MAP4K4: variants seen among roughly 807,000 people sequenced by gnomAD.
MAP4K4 encodes HPK/GCK-like kinase HGK.
In MAP4K4, 38 loss-of-function variants were observed where a neutral mutation model predicts 189.6. The ratio of observed to expected loss-of-function variants is 0.20; its 90% CI spans 0.15 to 0.26. The LOEUF is 0.26. MAP4K4 is among the 10% of genes least tolerant of loss of function. The pLI, the probability that MAP4K4 is intolerant of heterozygous loss-of-function variation, is 1.00. For missense variants in MAP4K4, 1,054 were observed against 1,726.9 expected, an observed-to-expected ratio of 0.61 and a Z score of 6.91; for synonymous variants, 610 against 624.3, an observed-to-expected ratio of 0.98 and a Z score of 0.34.
intron 10 of MAP4K4, among the ~76,000 whole-genome samples, chr2:101,840,822 G>A (rs1484055881): frequency 6.6e-6 from 1 of 152,138 alleles, no homozygotes; most frequent in Non-Finnish European, 1.5e-5. Context: ...AAGTCTGGAG[G>A]CCTTTCTGCC....
At chr2:101,701,700 A>G (rs2038888527) in intron 2 of MAP4K4, among the ~76,000 whole-genome samples, 1 of 152,168 alleles carries the variant, frequency 6.6e-6, no homozygotes, top group Non-Finnish European at 1.5e-5. Flanking sequence ...GGTTTTTGAG[A>G]GACGGATACT....
chr2:101,762,671 T>G (rs1363219365), intron 2 of MAP4K4, among the ~76,000 whole-genome samples: 1 of 152,086 alleles, frequency 6.6e-6, no homozygotes, highest in Non-Finnish European at 1.5e-5. Flanking sequence ...ATTTCCTCAT[T>G]CTAAATTGCT....
At chr2:101,807,534 T>C (rs79144044) in intron 3 of MAP4K4, among the ~76,000 whole-genome samples, 2,995 of 152,308 alleles carry the variant, frequency 0.02, 117 homozygotes, top group African/African-American at 0.068. Context: ...GATGGTAACC[T>C]ACATGACCAA....
chr2:101,799,601 A>C (rs1425835718), intron 3 of MAP4K4, among the ~76,000 whole-genome samples: 1 of 141,520 alleles, frequency 7.1e-6, no homozygotes. Flanking sequence ...TTTTTGTTTC[A>C]TTTTTGATTT....
intron 3 of MAP4K4, chr2:101,797,274 C>A: frequency 7.7e-7 from 1 of 1,290,736 alleles, no homozygotes; most frequent in Non-Finnish European, 1.0e-6. Flanking sequence ...ATGCTACAGG[C>A]CTTACAGCTT....
chr2:101,836,835 G>A (rs1354266836), intron 9 of MAP4K4, among the ~76,000 whole-genome samples: 1 of 152,146 alleles, frequency 6.6e-6, no homozygotes, highest in Non-Finnish European at 1.5e-5. Flanking sequence ...CAGAGAGAGA[G>A]GAGGATGACT....
At chr2:101,860,009 T>G in intron 15 of MAP4K4, 145 bp downstream of exon 15, 1 of 871,950 alleles carries the variant, frequency 1.1e-6, no homozygotes, top group South Asian at 1.6e-5. Context: ...AAATTGAATT[T>G]CAGAGGAGTG....
intron 2 of MAP4K4, among the ~76,000 whole-genome samples, chr2:101,716,015 C>G (rs961981891): frequency 6.6e-6 from 1 of 152,196 alleles, no homozygotes. Flanking sequence ...GATGATCTGT[C>G]ACTGTCTCCC....
intron 22 of MAP4K4, chr2:101,870,044 G>T: frequency 1.6e-6 from 1 of 630,646 alleles, no homozygotes; most frequent in Non-Finnish European, 2.7e-6. Context: ...ATATGATCCA[G>T]GGGAAATTTC....
chr2:101,856,493 A>T (rs949252047), intron 13 of MAP4K4, among the ~76,000 whole-genome samples: 5 of 152,234 alleles, frequency 3.3e-5, no homozygotes, highest in African/African-American at 1.2e-4. Flanking sequence ...CTTTTAAAAA[A>T]AAAATGAAAT....
chr2:101,722,834 T>G (rs568411767), intron 2 of MAP4K4, among the ~76,000 whole-genome samples: 34 of 152,370 alleles, frequency 2.2e-4, no homozygotes, highest in African/African-American at 7.7e-4. Context: ...TCACTCATAG[T>G]TGAGTTGAAC....
intron 2 of MAP4K4, among the ~76,000 whole-genome samples, chr2:101,763,214 CAAG>C (rs1160513497): frequency 5.3e-5 from 8 of 152,274 alleles, no homozygotes; most frequent in African/African-American, 1.4e-4. Flanking sequence ...CTGAGAGACA[CAAG>C]AAGGAGAAGT....
chr2:101,796,302 A>G (rs1240869307), intron 3 of MAP4K4, among the ~76,000 whole-genome samples: 1 of 152,178 alleles, frequency 6.6e-6, no homozygotes, highest in Non-Finnish European at 1.5e-5. Context: ...TCCATCCCAG[A>G]TTACTGCATC....
intron 2 of MAP4K4, among the ~76,000 whole-genome samples, chr2:101,766,248 G>T (rs2078578102): frequency 6.6e-6 from 1 of 152,202 alleles, no homozygotes. Context: ...GAACTGGTCT[G>T]ATTTTTCCTC....
Position 101,844,330 on chromosome 2 carries a change from C to T in MAP4K4, c.1233+19C>T. 2 of 1,549,626 alleles carry T rather than the reference C, an allele frequency of 1.3e-6. No individual in the cohort carries two copies. Among genetic ancestry groups the T allele is most frequent in the Non-Finnish European group, 1.7e-6 (2 of 1,145,566 alleles). Reference sequence around the variant, plus strand: ...AGAAGAGGTAGCAAAAGGAAAATGTCCAAGTTGGTTGGTCTTTTCTCTTTC... The same window carrying T: ...AGAAGAGGTAGCAAAAGGAAAATGTTCAAGTTGGTTGGTCTTTTCTCTTTC... On this transcript the variant is annotated intron_variant, in intron 12 of 32. Transcript: ENST00000324219.
At chr2:101,842,788 C>T (rs2096959615) in intron 11 of MAP4K4, 107 bp downstream of exon 11, 1 of 717,536 alleles carries the variant, frequency 1.4e-6, no homozygotes, top group Non-Finnish European at 2.3e-6. Context: ...TCTTAAATTA[C>T]TTAGACAGCA....
intron 3 of MAP4K4, among the ~76,000 whole-genome samples, chr2:101,806,639 A>G (rs1276952552): frequency 6.6e-6 from 1 of 152,088 alleles, no homozygotes; most frequent in Admixed American, 6.5e-5. Context: ...TGGCCTCCCA[A>G]AGTGCTGGGA....
chr2:101,783,589 G>A (rs149911321), intron 2 of MAP4K4, among the ~76,000 whole-genome samples: 2 of 152,278 alleles, frequency 1.3e-5, no homozygotes, highest in East Asian at 3.9e-4. Context: ...CAGGTGAAAG[G>A]CAGTGATTTT....
chr2:101,856,114 AAAG>A (rs779456958), exon 13 of MAP4K4: 38 of 1,551,568 alleles, frequency 2.4e-5, no homozygotes, highest in East Asian at 1.2e-4. Context: ...CAGAAGAAGA[AAAG>A]AGGAGAGTTG....
Sources: gnomAD v4.1 joint callset for allele counts (sites outside exome capture counted in the v4.1 genomes callset) on GRCh38, gnomAD v4.1.1 for gene constraint, MANE v1.5 for transcripts, NCBI Gene and HGNC (gene_info 2026-07-23, HGNC 2026-07-21) for gene names.